WASF1: variants seen among roughly 807,000 people sequenced by gnomAD.
The protein encoded by WASF1 is actin-binding protein WASF1.
Under a neutral mutation model 50.5 loss-of-function variants are expected in WASF1, and 7 were observed. The observed-to-expected ratio is 0.14, with a 90% confidence interval of 0.08 to 0.26. The LOEUF is 0.26. WASF1 is among the 10% of genes least tolerant of loss of function. The pLI, the probability that WASF1 is intolerant of heterozygous loss-of-function variation, is 1.00. For missense variants in WASF1, 470 were observed against 694.7 expected (o/e 0.68, Z 3.64); for synonymous variants, 205 against 244.0 (o/e 0.84, Z 1.49).
chr6:110,140,644 C>T (rs1775185696), intron 3 of WASF1, among the ~76,000 whole-genome samples: 2 of 152,102 alleles, frequency 1.3e-5, no homozygotes, highest in Non-Finnish European at 2.9e-5. Flanking sequence ...GCTTGGTGTG[C>T]GGGGAAAAAC....
At chr6:110,170,143 T>C (rs1014266896) in intron 2 of WASF1, among the ~76,000 whole-genome samples, 1 of 152,088 alleles carries the variant, frequency 6.6e-6, no homozygotes, top group African/African-American at 2.4e-5. Context: ...AGAAGTATAA[T>C]TGATATGCTA....
rs148766773 is a variant in WASF1, at chr6:110,138,693, T to G, written c.-28-11064A>C. On this transcript the variant is annotated intron_variant, in intron 3 of 10. Transcript: ENST00000392589. ...GTTGAGGAGACCCAAAGTGGGTAGC[T>G]CCTTCCTGCAGCTAGTAGTCCCAAT... 4.4e-4 allele frequency among the ~76,000 whole-genome samples: 67 copies of G among 152,252 alleles called. No individual in the cohort carries two copies. The South Asian group carries it at 0.011, about 25-fold the overall frequency.
chr6:110,104,330 A>G lies in WASF1; in HGVS notation c.714-773T>C, dbSNP rs569993499. On this transcript the variant is annotated intron_variant, in intron 8 of 10. Coordinates refer to ENST00000392589, the MANE Select transcript of WASF1 (RefSeq NM_003931.3). ...TCAACTGTAGTAGAAATAAATGTCTAAAGTTTATTAATTTTTTAATGTCAA... is the reference window on the plus strand; with the variant it reads ...TCAACTGTAGTAGAAATAAATGTCTGAAGTTTATTAATTTTTTAATGTCAA... Among the ~76,000 whole-genome samples the G allele has an allele frequency of 1.5e-4, 23 of 152,368 alleles. No individual in the cohort carries two copies. In the South Asian group the frequency reaches 4.1e-3, roughly 27 times the overall value.
chr6:110,124,270 CTCTCTATATATATATATATATATATATA>C (rs1774312805), intron 4 of WASF1, among the ~76,000 whole-genome samples: 1 of 52,510 alleles, frequency 1.9e-5, no homozygotes, highest in South Asian at 7.9e-4. Flanking sequence ...CTCTCTCTCT[CTCTCTATATATATATATATATATATATA>C]TATATATATA....
chr6:110,130,313 C>T (rs960809128), intron 3 of WASF1, among the ~76,000 whole-genome samples: 4 of 152,170 alleles, frequency 2.6e-5, no homozygotes, highest in South Asian at 2.1e-4. Context: ...TGCCAGAACC[C>T]GTCCACTTTG....
intron 2 of WASF1, among the ~76,000 whole-genome samples, chr6:110,167,786 T>A (rs560351847): frequency 3.3e-5 from 5 of 152,152 alleles, no homozygotes; most frequent in African/African-American, 1.2e-4. Flanking sequence ...AATAAGTGAC[T>A]TAATTTTCAA....
intron 3 of WASF1, among the ~76,000 whole-genome samples, chr6:110,151,615 T>A (rs1419213535): frequency 1.3e-5 from 2 of 152,092 alleles, no homozygotes; most frequent in Non-Finnish European, 2.9e-5. Flanking sequence ...TAATAGTAAT[T>A]TTTAAATACT....
chr6:110,176,301 GA>G (rs144600393), intron 2 of WASF1, among the ~76,000 whole-genome samples: 135 of 151,980 alleles, frequency 8.9e-4, no homozygotes, highest in African/African-American at 3.1e-3. Context: ...AAGTCACAAA[GA>G]ATCAAACACA....
intron 5 of WASF1, among the ~76,000 whole-genome samples, chr6:110,112,919 A>C (rs1179724578): frequency 6.7e-6 from 1 of 150,146 alleles, no homozygotes; most frequent in Admixed American, 6.6e-5. Context: ...ACAAAAAAAA[A>C]ACCAGTTACA....
chr6:110,142,113 A>T (rs1203072255), intron 3 of WASF1, among the ~76,000 whole-genome samples: 1 of 152,184 alleles, frequency 6.6e-6, no homozygotes, highest in African/African-American at 2.4e-5. Flanking sequence ...GAAAAATAAT[A>T]TCTTACAAAT....
At chr6:110,119,243 A>C (rs1410517975) in intron 4 of WASF1, among the ~76,000 whole-genome samples, 1 of 152,204 alleles carries the variant, frequency 6.6e-6, no homozygotes, top group Non-Finnish European at 1.5e-5. Flanking sequence ...AAATCAGTGA[A>C]ACCAGGAGCT....
chr6:110,134,055 C>T (rs557523644), intron 3 of WASF1, among the ~76,000 whole-genome samples: 4 of 152,218 alleles, frequency 2.6e-5, no homozygotes, highest in African/African-American at 7.2e-5. Context: ...ATGATCTAAG[C>T]TCACTGCAAC....
At chr6:110,115,543 C>T (rs1773766397) in intron 4 of WASF1, among the ~76,000 whole-genome samples, 1 of 152,220 alleles carries the variant, frequency 6.6e-6, no homozygotes, top group African/African-American at 2.4e-5. Context: ...TCTCTGGCCA[C>T]TCAGAACCCC....
chr6:110,119,590 C>A (rs1304450781), intron 4 of WASF1, among the ~76,000 whole-genome samples: 2 of 152,166 alleles, frequency 1.3e-5, no homozygotes, highest in Non-Finnish European at 2.9e-5. Flanking sequence ...GACAGATGCA[C>A]AGCCAAAGTC....
intron 3 of WASF1, among the ~76,000 whole-genome samples, chr6:110,128,707 G>A (rs950449819): frequency 6.6e-6 from 1 of 152,162 alleles, no homozygotes; most frequent in Admixed American, 6.5e-5. Context: ...TAGTACTCTA[G>A]TCCAGGACTC....
At chr6:110,133,077 G>T (rs1774768075) in intron 3 of WASF1, among the ~76,000 whole-genome samples, 1 of 151,396 alleles carries the variant, frequency 6.6e-6, no homozygotes, top group South Asian at 2.1e-4. Flanking sequence ...TGTATGTAAG[G>T]TAACTCCAGA....
At chr6:110,109,907 C>A (rs1169599964) in intron 5 of WASF1, among the ~76,000 whole-genome samples, 1 of 151,972 alleles carries the variant, frequency 6.6e-6, no homozygotes, top group South Asian at 2.1e-4. Context: ...TCCTGTCATC[C>A]CCTCAAGTAA....
chr6:110,173,571 A>C (rs1776805231), intron 2 of WASF1, among the ~76,000 whole-genome samples: 1 of 152,178 alleles, frequency 6.6e-6, no homozygotes, highest in African/African-American at 2.4e-5. Flanking sequence ...GTTGACAAGT[A>C]CCACAAATAC....
At chr6:110,142,888 T>C (rs1424516293) in intron 3 of WASF1, among the ~76,000 whole-genome samples, 1 of 150,686 alleles carries the variant, frequency 6.6e-6, no homozygotes, top group African/African-American at 2.4e-5. Flanking sequence ...ATAACCAATT[T>C]TTGAATTTCC....
Sources: allele counts gnomAD v4.1 joint callset (sites outside exome capture counted in the v4.1 genomes callset), GRCh38; gene constraint gnomAD v4.1.1; transcripts MANE v1.5; gene names NCBI Gene and HGNC (gene_info 2026-07-23, HGNC 2026-07-21).